INSR: variants seen among roughly 807,000 people sequenced by gnomAD.
The protein encoded by INSR is IR.
INSR carries 67 observed loss-of-function variants against 142.6 expected under a neutral mutation model. The observed-to-expected ratio is 0.47, with a 90% CI of 0.39 to 0.58. The LOEUF is 0.58. Ranked by LOEUF, INSR falls within the 20% of genes least tolerant of loss-of-function variation. The probability of loss-of-function intolerance (pLI) is 0.00; values close to 1 mark genes in which losing one functional copy is unlikely to be tolerated. For synonymous variants in INSR, 756 were observed against 743.1 expected (o/e 1.02, Z -0.28); for missense variants, 1,248 against 1,833.2 (o/e 0.68, Z 5.83).
chr19:7,236,321 C>T (rs1306730521), intron 2 of INSR, among the ~76,000 whole-genome samples: 1 of 152,088 alleles, frequency 6.6e-6, no homozygotes, highest in Non-Finnish European at 1.5e-5. Flanking sequence ...CAGGATATAA[C>T]CTCAAGAGAT....
chr19:7,129,703 G>T (rs1316582144), intron 14 of INSR, among the ~76,000 whole-genome samples: 2 of 152,042 alleles, frequency 1.3e-5, no homozygotes, highest in Non-Finnish European at 2.9e-5. Context: ...AGCTAGTCCC[G>T]ATCCCAGCAT....
At chr19:7,204,209 A>ATT (rs11368513) in intron 2 of INSR, among the ~76,000 whole-genome samples, 45 of 150,066 alleles carry the variant, frequency 3.0e-4, no homozygotes, top group South Asian at 4.3e-4. Context: ...TGCCCAACTA[A>ATT]TTTTTTTTTT....
intron 2 of INSR, among the ~76,000 whole-genome samples, chr19:7,264,132 G>A (rs1238824263): frequency 6.7e-6 from 1 of 148,900 alleles, no homozygotes; most frequent in Non-Finnish European, 1.5e-5. Flanking sequence ...TCATGCCATT[G>A]CACTCCAGCC....
chr19:7,199,815 C>T (rs34637545), intron 2 of INSR, among the ~76,000 whole-genome samples: 437 of 149,478 alleles, frequency 2.9e-3, no homozygotes, highest in Middle Eastern at 6.8e-3. Context: ...TCCCTGCCCT[C>T]CCAGTATGCA....
At position 7,231,658 on chromosome 19, in the gene INSR, C is replaced by A. The variant is rs369516124; in HGVS notation, c.652+35687G>T. Among the ~76,000 whole-genome samples, 156 of 152,162 alleles carry A rather than the reference C, an allele frequency of 1.0e-3. 1 individual carries two copies. The highest frequency in any genetic ancestry group is 3.3e-3 in the African/African-American group (139 of 41,532). On this transcript the variant is annotated intron_variant, in intron 2 of 21. Coordinates refer to ENST00000302850, the MANE Select transcript of INSR (RefSeq NM_000208.4). The stretch of plus-strand genomic sequence containing the variant: ...GGATGTTGGGGCTATATATCCACCA[C>A]CAACAACCTGCCATACATCCTTTTA...
At chr19:7,270,314 A>G (rs1967875016) in intron 1 of INSR, among the ~76,000 whole-genome samples, 1 of 112,010 alleles carries the variant, frequency 8.9e-6, no homozygotes, top group African/African-American at 3.7e-5. Context: ...ACTATATTTC[A>G]TTTCTCTCTC....
At chr19:7,231,295 G>GTTTT (rs59830751) in intron 2 of INSR, among the ~76,000 whole-genome samples, 50 of 134,972 alleles carry the variant, frequency 3.7e-4, no homozygotes, top group African/African-American at 1.3e-3. Context: ...GGTGTTTTTT[G>GTTTT]TTTTTTTTTT....
At position 7,114,725 on chromosome 19, in the gene INSR, AT is replaced by A; in HGVS notation, c.*2330del. On this transcript the variant is annotated 3_prime_UTR_variant, in exon 22 of 22. Transcript: ENST00000302850. The stretch of plus-strand genomic sequence containing the variant: ...ACCTGTTTATTTTTCTTTGATAAAA[AT>A]TTACATGCGCTCCATTTTTTATGAG... 6.5e-6 allele frequency: 1 copy of A among 152,736 alleles called. No individual in the cohort carries two copies. The highest frequency in any genetic ancestry group is 2.1e-4 in the South Asian group (1 of 4,826). The allele number at this position is 152,736 out of a possible 1,614,324, so 9.5% of individuals were successfully genotyped here.
intron 2 of INSR, among the ~76,000 whole-genome samples, chr19:7,197,869 TGCGC>T (rs1974820256): frequency 1.9e-5 from 2 of 106,594 alleles, no homozygotes; most frequent in African/African-American, 7.8e-5. Context: ...AGAGAGTGTG[TGCGC>T]GTGTGTGTCT....
rs150051614 is a variant in INSR at position 7,151,220 on chromosome 19, C to CTT, written c.2232-689_2232-688insAA. Among the ~76,000 whole-genome samples, 1,243 of 137,964 alleles carry CTT rather than the reference C, an allele frequency of 9.0e-3. 25 individuals carry two copies. The highest frequency in any genetic ancestry group is 0.033 in the African/African-American group (1,171 of 35,850). The allele number at this position is 137,964 out of a possible 152,430, so 90.5% of individuals were successfully genotyped here. ...TCTTTCTTTCTTTCTTTTTCTTTCT[C>CTT]TCTTCCTTCCTTCCTCTTTCCCTCC... On this transcript the variant is annotated intron_variant, in intron 10 of 21. Transcript: ENST00000302850.
intron 1 of INSR, among the ~76,000 whole-genome samples, chr19:7,286,017 G>A (rs953747399): frequency 6.6e-5 from 10 of 152,136 alleles, no homozygotes; most frequent in Non-Finnish European, 1.5e-4. Context: ...GTCTCACTAT[G>A]TCACCCAGGC....
chr19:7,272,949 C>G (rs1967965941), intron 1 of INSR, among the ~76,000 whole-genome samples: 1 of 152,134 alleles, frequency 6.6e-6, no homozygotes, highest in Admixed American at 6.6e-5. Context: ...AGAGGCAAAT[C>G]CATAGAGACA....
chr19:7,154,371 T>C (rs1177469445), intron 9 of INSR, among the ~76,000 whole-genome samples: 2 of 141,900 alleles, frequency 1.4e-5, no homozygotes, highest in Non-Finnish European at 3.1e-5. Context: ...GGCGCGATCT[T>C]GGCTCACTGC....
chr19:7,150,418 G>A lies in INSR; in HGVS notation c.2267+79C>T, dbSNP rs1393015895. On this transcript the variant is annotated intron_variant, in intron 11 of 21. Transcript: ENST00000302850. The surrounding 1 kb of genome is among the most constrained non-coding windows in gnomAD (Gnocchi z 4.2). The stretch of plus-strand genomic sequence containing the variant: ...CATGCAAAAAGCCACAGAAACCCCT[G>A]GGTTCTCCGAGGCATCTGCCTGGCA... The A allele has an allele frequency of 7.4e-7, 1 of 1,348,068 alleles. No homozygotes were observed. The highest frequency in any genetic ancestry group is 1.1e-6 in the Non-Finnish European group (1 of 944,088). 83.5% of individuals were successfully genotyped at this position (1,348,068 alleles called of 1,614,324 possible). A position where few individuals can be genotyped will look rare whatever the true frequency, so the allele number is the denominator to read the frequency against.
intron 1 of INSR, among the ~76,000 whole-genome samples, chr19:7,280,450 G>A (rs971231478): frequency 2.6e-5 from 4 of 152,068 alleles, no homozygotes; most frequent in Non-Finnish European, 5.9e-5. Context: ...GGGCATGGTA[G>A]CTCACACCTG....
At chr19:7,182,585 T>C (rs1048743533) in intron 3 of INSR, among the ~76,000 whole-genome samples, 1 of 152,066 alleles carries the variant, frequency 6.6e-6, no homozygotes. Flanking sequence ...CGCAATAAAA[T>C]ACGGTGACAA....
At chr19:7,213,331 G>A (rs1215883456) in intron 2 of INSR, among the ~76,000 whole-genome samples, 4 of 111,412 alleles carry the variant, frequency 3.6e-5, no homozygotes, top group Admixed American at 2.4e-4. Context: ...GCTACAGAGC[G>A]ACTCCATCTC....
chr19:7,230,576 G>A (rs1323359620), intron 2 of INSR, among the ~76,000 whole-genome samples: 2 of 152,148 alleles, frequency 1.3e-5, no homozygotes, highest in Admixed American at 1.3e-4. Context: ...GGAGGCCAAG[G>A]CAGGTGGATC....
chr19:7,154,511 C>T (rs376006346), intron 9 of INSR, among the ~76,000 whole-genome samples: 56 of 150,468 alleles, frequency 3.7e-4, no homozygotes, highest in East Asian at 3.5e-3. Flanking sequence ...ATTGTGTTAG[C>T]CAGGATGGTC....
Sources: allele counts gnomAD v4.1 joint callset (sites outside exome capture counted in the v4.1 genomes callset), GRCh38; gene constraint gnomAD v4.1.1; non-coding constraint Gnocchi (gnomAD v3.1); transcripts MANE v1.5; gene names NCBI Gene and HGNC (gene_info 2026-07-23, HGNC 2026-07-21).